Variants in CDH22 observed in about 807,000 individuals in gnomAD.
CDH22 encodes cadherin 22, also known as cadherin-22.
Under a neutral mutation model 58.4 loss-of-function variants are expected in CDH22, and 30 were observed. The observed-to-expected ratio is 0.51, with a 90% confidence interval of 0.38 to 0.70. CDH22 has a LOEUF of 0.70. CDH22 is among the 30% of genes least tolerant of loss of function. CDH22 has a pLI of 0.00. For missense variants in CDH22, 1,014 were observed against 1,233.9 expected, an observed-to-expected ratio of 0.82 and a Z score of 2.67; for synonymous variants, 513 against 558.2, an observed-to-expected ratio of 0.92 and a Z score of 1.14.
chr20:46,239,863 G>C (rs892347494), intron 3 of CDH22, among the ~76,000 whole-genome samples: 2 of 152,244 alleles, frequency 1.3e-5, no homozygotes, highest in South Asian at 2.1e-4. Context: ...GGGTTTCCTG[G>C]TGGGAGAAGG....
At chr20:46,218,578 T>C (rs1253147079) in intron 4 of CDH22, among the ~76,000 whole-genome samples, 1 of 152,050 alleles carries the variant, frequency 6.6e-6, no homozygotes, top group Non-Finnish European at 1.5e-5. Flanking sequence ...ACATGCACAC[T>C]CATAGCTACC....
intron 1 of CDH22, among the ~76,000 whole-genome samples, chr20:46,265,417 A>G (rs1007673538): frequency 4.6e-5 from 7 of 152,242 alleles, no homozygotes; most frequent in Admixed American, 6.5e-5. Flanking sequence ...ACGAAAAGTC[A>G]TAAAATGAAC....
intron 1 of CDH22, among the ~76,000 whole-genome samples, chr20:46,277,370 T>A (rs1263944639): frequency 6.6e-6 from 1 of 152,128 alleles, no homozygotes; most frequent in Admixed American, 6.5e-5. Context: ...TGTCACAGCC[T>A]CCCTTGTCCT....
chr20:46,238,628 C>T (rs2145724017), intron 3 of CDH22, among the ~76,000 whole-genome samples: 1 of 152,312 alleles, frequency 6.6e-6, no homozygotes, highest in South Asian at 2.1e-4. Context: ...TATTTAATTG[C>T]TCAGGTTACA....
rs374452122 is a variant in CDH22, at chr20:46,216,911, C to A, written c.753G>T (p.Ala251=). The stretch of plus-strand genomic sequence containing the variant: ...AGCCCGAGAGGCCACCCAGCTGACC[C>A]GCCATGTCTGTGGCCTGGATCACCA... The part of the protein sequence containing the change: ...YEVVIQATDM[A]GQLGGLSGST... The change falls in exon 5 of 12, where the codon GCG becomes GCT. Residue 251 remains alanine (A), a synonymous_variant. Transcript: ENST00000537909. The surrounding 1 kb of genome is among the most constrained non-coding windows in gnomAD (Gnocchi z 5.3). The A allele has an allele frequency of 1.2e-6, 2 of 1,611,378 alleles. No individual in the cohort carries two copies. Among genetic ancestry groups the A allele is most frequent in the Non-Finnish European group, 1.7e-6 (2 of 1,177,818 alleles).
In CDH22 at chr20:46,241,261, G is replaced by A; in HGVS notation, c.256-4C>T. On this transcript the variant is annotated splice_polypyrimidine_tract_variant and splice_region_variant and intron_variant, in intron 2 of 11. Transcript: ENST00000537909. This position sits in a 1 kb window ranked among gnomAD's most constrained non-coding sequence, Gnocchi z 5.2. Reference sequence around the variant, plus strand: ...CCTCGTCTGAGTCGGAGTGGATCTGGGTAGGCAGAGAAGAAGGCAAGGTGG... The same window carrying A: ...CCTCGTCTGAGTCGGAGTGGATCTGAGTAGGCAGAGAAGAAGGCAAGGTGG... The A allele has an allele frequency of 6.3e-7, 1 of 1,585,170 alleles. No individual in the cohort carries two copies. Among genetic ancestry groups the A allele is most frequent in the Non-Finnish European group, 8.6e-7 (1 of 1,161,978 alleles).
intron 1 of CDH22, among the ~76,000 whole-genome samples, chr20:46,299,905 G>A (rs181694250): frequency 3.2e-4 from 49 of 152,192 alleles, no homozygotes; most frequent in African/African-American, 1.1e-3. Context: ...GGAGTGGGGT[G>A]GACAGAGAAA....
At chr20:46,209,259 ACGTT>A (rs1236496846) in intron 7 of CDH22, among the ~76,000 whole-genome samples, 1 of 152,132 alleles carries the variant, frequency 6.6e-6, no homozygotes, top group African/African-American at 2.4e-5. Flanking sequence ...TAGGGCGAGA[ACGTT>A]CTAGGCCGAG....
At chr20:46,219,123 G>A (rs2086106812) in intron 4 of CDH22, among the ~76,000 whole-genome samples, 1 of 152,158 alleles carries the variant, frequency 6.6e-6, no homozygotes, top group South Asian at 2.1e-4. Context: ...CAGAGGTGGG[G>A]CACCTAAGGG....
chr20:46,223,379 C>G (rs1021518718), intron 4 of CDH22, among the ~76,000 whole-genome samples: 1 of 152,170 alleles, frequency 6.6e-6, no homozygotes, highest in East Asian at 1.9e-4. Flanking sequence ...TTCTCCCCAT[C>G]TCCCCAAGGC....
chr20:46,214,798 T>C (rs1253991760), intron 5 of CDH22, among the ~76,000 whole-genome samples: 2 of 152,238 alleles, frequency 1.3e-5, no homozygotes, highest in Admixed American at 6.5e-5. Context: ...CCCCCAAGCT[T>C]ATCCCATTGT....
intron 1 of CDH22, among the ~76,000 whole-genome samples, chr20:46,280,799 C>T (rs2086547426): frequency 6.6e-6 from 1 of 152,206 alleles, no homozygotes; most frequent in Non-Finnish European, 1.5e-5. Context: ...GTATGGTGGG[C>T]ACTCAGTGAA....
rs1475757207 is a variant in CDH22, at chr20:46,251,267, GC to G, written c.27del (p.Leu10SerfsTer63). The G allele has an allele frequency of 1.4e-6, 2 of 1,463,050 alleles. No individual in the cohort carries two copies. The allele number at this position is 1,463,050 out of a possible 1,614,324, so 90.6% of individuals were successfully genotyped here. A position where few individuals can be genotyped will look rare whatever the true frequency, so the allele number is the denominator to read the frequency against. On this transcript the variant is annotated frameshift_variant, in exon 2 of 12. Coordinates refer to ENST00000537909, the MANE Select transcript of CDH22 (RefSeq NM_021248.3). LOFTEE classifies it high-confidence loss of function. This position sits in a 1 kb window ranked among gnomAD's most constrained non-coding sequence, Gnocchi z 6.7. MRPRPEGR[G>X]LRAGVALSPA... is the part of the protein sequence containing the mutation. ...GGGGACAGCGCGACTCCCGCCCGGA[GC>G]CCCCTACCTTCGGGCCTCGGCCTCA...
chr20:46,264,815 GCACA>G (rs146980608), intron 1 of CDH22, among the ~76,000 whole-genome samples: 3 of 150,164 alleles, frequency 2.0e-5, no homozygotes, highest in South Asian at 2.1e-4. Flanking sequence ...GTATGAGTAT[GCACA>G]CACACACACA....
At chr20:46,283,089 C>T (rs2065502874) in intron 1 of CDH22, among the ~76,000 whole-genome samples, 1 of 152,244 alleles carries the variant, frequency 6.6e-6, no homozygotes, top group South Asian at 2.1e-4. Context: ...TTGTTTACAG[C>T]ATGCAGTACG....
At chr20:46,271,268 C>G (rs559013526) in intron 1 of CDH22, among the ~76,000 whole-genome samples, 1 of 152,306 alleles carries the variant, frequency 6.6e-6, no homozygotes, top group African/African-American at 2.4e-5. Flanking sequence ...TATTCTTCCT[C>G]TTTGCAACAG....
rs2059033223 is a variant in CDH22, at chr20:46,308,435, G to C, written c.-580C>G. 1 of 211,008 alleles carries C rather than the reference G, an allele frequency of 4.7e-6. No individual in the cohort carries two copies. The highest frequency in any genetic ancestry group is 2.5e-5 in the African/African-American group (1 of 39,544). 13.1% of individuals were successfully genotyped at this position (211,008 alleles called of 1,614,324 possible). On this transcript the variant is annotated 5_prime_UTR_variant, in exon 1 of 12. Coordinates refer to ENST00000537909, the MANE Select transcript of CDH22 (RefSeq NM_021248.3). This position sits in a 1 kb window ranked among gnomAD's most constrained non-coding sequence, Gnocchi z 4.3. ...TGTGCGCGCGTGTGTGTGAGCGAGAGAGCGAGAGAGCGAGAGAGCGAGGGA... is the reference window on the plus strand; with the variant it reads ...TGTGCGCGCGTGTGTGTGAGCGAGACAGCGAGAGAGCGAGAGAGCGAGGGA...
chr20:46,296,009 T>A (rs2086627355), intron 1 of CDH22, among the ~76,000 whole-genome samples: 1 of 152,218 alleles, frequency 6.6e-6, no homozygotes, highest in South Asian at 2.1e-4. Flanking sequence ...GTGATCCTCC[T>A]GCCTCGGCCT....
At position 46,213,135 on chromosome 20, in the gene CDH22, G is replaced by A. The variant is rs768598036; in HGVS notation, c.892C>T (p.Arg298Cys). The A allele has an allele frequency of 2.7e-5, 44 of 1,613,998 alleles. No individual in the cohort carries two copies. The highest frequency in any genetic ancestry group is 3.5e-5 in the Non-Finnish European group (41 of 1,180,020). Residue 298 changes from arginine (R) to cysteine (C), a missense_variant, in exon 6 of 12, where the codon CGT (arginine) becomes TGT (cysteine). Arg to Cys is a radical substitution (Grantham distance 180, BLOSUM62 -3). Transcript: ENST00000537909. ...ACGTCTGAGTCCTCAGCCTTCACAC[G>A]TCCCACAGCCGTTCCAATGGGGGCT... ...ESAPIGTAVG[R>C]VKAEDSDVGE...
Sources: gnomAD v4.1 joint callset for allele counts (sites outside exome capture counted in the v4.1 genomes callset) on GRCh38, gnomAD v4.1.1 for gene constraint, Gnocchi (gnomAD v3.1) non-coding constraint, MANE v1.5 for transcripts, NCBI Gene and HGNC (gene_info 2026-07-23, HGNC 2026-07-21) for gene names.